The following PAPPA2 variants were observed in gnomAD, a reference collection of about 807,000 sequenced individuals.
The protein encoded by PAPPA2 is pappalysin 2.
In PAPPA2, 86 loss-of-function variants were observed where a neutral mutation model predicts 176.4. The ratio of observed to expected loss-of-function variants is 0.49; its 90% CI spans 0.41 to 0.58. The LOEUF is 0.58. Among genes scored for constraint, PAPPA2 ranks in the 20% least tolerant of loss-of-function variants. The pLI is 0.00. For synonymous variants in PAPPA2, 809 were observed against 852.2 expected, an observed-to-expected ratio of 0.95 and a Z score of 0.88; for missense variants, 2,073 against 2,256.9, an observed-to-expected ratio of 0.92 and a Z score of 1.65.
At chr1:176,835,235 A>G (rs944682843) in intron 21 of PAPPA2, among the ~76,000 whole-genome samples, 22 of 152,222 alleles carry the variant, frequency 1.4e-4, no homozygotes, top group Admixed American at 1.1e-3. Context: ...CAGGATTGCT[A>G]CTAACTATCC....
chr1:176,588,488 C>G (rs972787260), intron 2 of PAPPA2, among the ~76,000 whole-genome samples: 1 of 152,196 alleles, frequency 6.6e-6, no homozygotes, highest in African/African-American at 2.4e-5. Flanking sequence ...TGGAAAAAGA[C>G]TTATTTCTAT....
chr1:176,592,877 A>G (rs1265078742), intron 2 of PAPPA2, among the ~76,000 whole-genome samples: 1 of 152,204 alleles, frequency 6.6e-6, no homozygotes, highest in Non-Finnish European at 1.5e-5. Flanking sequence ...AGAAAATATG[A>G]ATCAGGGAAC....
At chr1:176,836,824 T>A (rs1209833142) in intron 21 of PAPPA2, 1 of 151,874 alleles carries the variant, frequency 6.6e-6, no homozygotes, top group African/African-American at 2.4e-5. Context: ...AAATAAAAAA[T>A]AAATGAAAAA....
intron 21 of PAPPA2, among the ~76,000 whole-genome samples, chr1:176,805,820 C>CA (rs1665879922): frequency 1.3e-5 from 2 of 151,490 alleles, no homozygotes; most frequent in African/African-American, 2.4e-5. Context: ...CTCATCTTTA[C>CA]AAAAAAATGA....
At chr1:176,589,859 G>C (rs927043413) in intron 2 of PAPPA2, among the ~76,000 whole-genome samples, 2 of 152,192 alleles carry the variant, frequency 1.3e-5, no homozygotes, top group Non-Finnish European at 2.9e-5. Flanking sequence ...TACTCTGCTA[G>C]ACTGGGAAGA....
chr1:176,647,645 T>C lies in PAPPA2; in HGVS notation c.1992-23325T>C, dbSNP rs146267017. On this transcript the variant is annotated intron_variant, in intron 3 of 22. Transcript: ENST00000367662. ...TCTTCTGCATATGGTTATCCAGTTT[T>C]CCCAGCACTATTTATTGAAGAGACT... Among the ~76,000 whole-genome samples the C allele has an allele frequency of 2.1e-3, 322 of 151,882 alleles. 2 individuals are homozygous for C. Among genetic ancestry groups the C allele is most frequent in the African/African-American group, 7.6e-3 (315 of 41,492 alleles).
intron 1 of PAPPA2, among the ~76,000 whole-genome samples, chr1:176,512,221 CAAAA>C (rs58968098): frequency 5.4e-4 from 57 of 105,700 alleles, no homozygotes; most frequent in African/African-American, 9.3e-4. Context: ...ACTAAATTTG[CAAAA>C]AAAAAAAAAA....
At chr1:176,741,020 G>A (rs1662655233) in intron 14 of PAPPA2, among the ~76,000 whole-genome samples, 1 of 152,100 alleles carries the variant, frequency 6.6e-6, no homozygotes, top group South Asian at 2.1e-4. Flanking sequence ...GCTCATTCAA[G>A]GCATCCCAGA....
intron 3 of PAPPA2, among the ~76,000 whole-genome samples, chr1:176,648,399 T>C (rs1310422919): frequency 1.3e-5 from 2 of 151,514 alleles, no homozygotes; most frequent in African/African-American, 2.4e-5. Context: ...ATTTGAGTCC[T>C]CTCTTTCTAG....
rs1216957089 is a variant in PAPPA2, at chr1:176,770,955, T to C, written c.4502-12T>C. ...GTTCTGAGCATCTTGTGCTTCTCTT[T>C]CCTGGAGTCAGGACTGAGCCCATGG... On this transcript the variant is annotated splice_polypyrimidine_tract_variant and intron_variant, in intron 16 of 22. Coordinates refer to ENST00000367662, the MANE Select transcript of PAPPA2 (RefSeq NM_020318.3). 4 of 1,612,820 alleles carry C rather than the reference T, an allele frequency of 2.5e-6. No individual in the cohort carries two copies. Among genetic ancestry groups the C allele is most frequent in the Non-Finnish European group, 3.4e-6 (4 of 1,179,354 alleles).
intron 3 of PAPPA2, among the ~76,000 whole-genome samples, chr1:176,596,396 G>T (rs1029672418): frequency 6.6e-6 from 1 of 152,060 alleles, no homozygotes; most frequent in Non-Finnish European, 1.5e-5. Context: ...CTGCCCTCAG[G>T]GCTTTTATGT....
intron 3 of PAPPA2, among the ~76,000 whole-genome samples, chr1:176,666,561 ATGTGTG>A (rs139660279): frequency 0.11 from 12,055 of 109,234 alleles, 1,030 homozygotes; most frequent in African/African-American, 0.25. Context: ...GTAAATATAT[ATGTGTG>A]TGTGTGTGTG....
intron 14 of PAPPA2, among the ~76,000 whole-genome samples, chr1:176,753,717 A>G (rs1663288826): frequency 6.6e-6 from 1 of 151,914 alleles, no homozygotes; most frequent in African/African-American, 2.4e-5. Context: ...TAGAAATGAA[A>G]TATGTATTGC....
intron 14 of PAPPA2, among the ~76,000 whole-genome samples, chr1:176,740,598 A>G (rs535058719): frequency 2.8e-4 from 42 of 152,270 alleles, no homozygotes; most frequent in African/African-American, 8.2e-4. Flanking sequence ...AAGTTTAACA[A>G]TTGCTTGCTA....
chr1:176,752,570 C>T (rs905873536), intron 14 of PAPPA2, among the ~76,000 whole-genome samples: 46 of 152,090 alleles, frequency 3.0e-4, no homozygotes, highest in Non-Finnish European at 5.9e-4. Context: ...TGCAATGCCC[C>T]AGACTCACAG....
At chr1:176,721,887 T>A (rs993534473) in intron 12 of PAPPA2, among the ~76,000 whole-genome samples, 13 of 152,124 alleles carry the variant, frequency 8.5e-5, no homozygotes, top group African/African-American at 3.1e-4. Context: ...ATTACACCTT[T>A]TTTTGTGTAT....
chr1:176,582,217 G>A (rs1323194099), intron 2 of PAPPA2, among the ~76,000 whole-genome samples: 1 of 151,996 alleles, frequency 6.6e-6, no homozygotes, highest in South Asian at 2.1e-4. Context: ...ATGAGCCACC[G>A]CGCCCGGCCT....
At chr1:176,758,638 A>G (rs565480478) in intron 14 of PAPPA2, among the ~76,000 whole-genome samples, 1 of 152,318 alleles carries the variant, frequency 6.6e-6, no homozygotes, top group South Asian at 2.1e-4. Context: ...ACTTAACCTT[A>G]AAAGAGCTGT....
rs558123843 is a variant in PAPPA2 at position 176,646,427 on chromosome 1, CTT to C, written c.1992-24540_1992-24539del. Among the ~76,000 whole-genome samples, 337 of 151,006 alleles carry C rather than the reference CTT, an allele frequency of 2.2e-3. 2 individuals are homozygous for C. Among genetic ancestry groups the C allele is most frequent in the African/African-American group, 5.3e-3 (219 of 41,258 alleles). On this transcript the variant is annotated intron_variant, in intron 3 of 22. Coordinates refer to ENST00000367662, the MANE Select transcript of PAPPA2 (RefSeq NM_020318.3). ...TGCATTACAAACATCTAGTTATACT[CTT>C]TTAGTTATTTTTAAATGTATAATAA...
Sources: gnomAD v4.1 joint callset for allele counts (sites outside exome capture counted in the v4.1 genomes callset) on GRCh38, gnomAD v4.1.1 for gene constraint, MANE v1.5 for transcripts, NCBI Gene and HGNC (gene_info 2026-07-23, HGNC 2026-07-21) for gene names.